The following MMS22L variants were observed in gnomAD, a reference collection of about 807,000 sequenced individuals.
The protein encoded by MMS22L is protein MMS22-like.
In MMS22L, 74 loss-of-function variants were observed where a neutral mutation model predicts 159.1. The ratio of observed to expected loss-of-function variants is 0.47; its 90% CI spans 0.39 to 0.56. MMS22L has a LOEUF of 0.56. Among genes scored for constraint, MMS22L ranks in the 20% least tolerant of loss-of-function variants. The pLI is 0.00. For synonymous variants in MMS22L, 517 were observed against 506.9 expected (o/e 1.02, Z -0.27); for missense variants, 1,351 against 1,422.1 (o/e 0.95, Z 0.80).
intron 22 of MMS22L, among the ~76,000 whole-genome samples, chr6:97,154,092 G>C (rs1339316493): frequency 6.6e-6 from 1 of 152,092 alleles, no homozygotes; most frequent in Non-Finnish European, 1.5e-5. Context: ...GGCATTAAAT[G>C]AGAGTTCCAA....
At chr6:97,277,143 G>A (rs145603161) in intron 4 of MMS22L, among the ~76,000 whole-genome samples, 345 of 152,204 alleles carry the variant, frequency 2.3e-3, no homozygotes, top group African/African-American at 7.9e-3. Flanking sequence ...GTCCAGGCAC[G>A]GTGGCTCACG....
intron 6 of MMS22L, chr6:97,270,841 G>T (rs143517911): frequency 6.6e-6 from 1 of 152,128 alleles, no homozygotes; most frequent in East Asian, 1.9e-4. Flanking sequence ...AACTTTGCAA[G>T]AAACTAAAGT....
At chr6:97,161,887 C>A in intron 22 of MMS22L, 115 bp downstream of exon 22, 1 of 962,844 alleles carries the variant, frequency 1.0e-6, no homozygotes, top group East Asian at 2.6e-5. Context: ...TGACCCATAT[C>A]AAGAGATATA....
chr6:97,226,455 G>A (rs564459748), intron 14 of MMS22L, among the ~76,000 whole-genome samples: 21 of 152,170 alleles, frequency 1.4e-4, no homozygotes, highest in African/African-American at 3.1e-4. Flanking sequence ...TTAGCTGTGC[G>A]TGGTAGTGTG....
rs1810554918 is a variant in MMS22L at position 97,228,999 on chromosome 6, T to C, written c.1934A>G (p.His645Arg). ...AAATCCATCATTAAGCAGTTTTTCA[T>C]GGGAAGGATACAAGCAATAGCTGGT... ...FETSYCLYPS[H>R]EKLLNDGFSM... Residue 645 changes from histidine to arginine, a missense_variant, in exon 14 of 25, where the codon CAT becomes CGT. Physicochemically the swap from His to Arg is conservative, Grantham distance 29. Coordinates refer to ENST00000683635, the MANE Select transcript of MMS22L (RefSeq NM_001350599.2). 5.0e-6 allele frequency: 8 copies of C among 1,614,108 alleles called. No individual in the cohort carries two copies. Among genetic ancestry groups the C allele is most frequent in the Non-Finnish European group, 5.1e-6 (6 of 1,179,994 alleles).
At chr6:97,259,703 A>G (rs1054975989) in intron 9 of MMS22L, 13 of 151,440 alleles carry the variant, frequency 8.6e-5, no homozygotes, top group Non-Finnish European at 1.5e-4. Context: ...AATCTTATAT[A>G]TATATATATA....
chr6:97,149,950 A>T lies in MMS22L; in HGVS notation c.3553T>A (p.Leu1185Met). The T allele has an allele frequency of 6.2e-7, 1 of 1,613,686 alleles. No homozygotes were observed. Among genetic ancestry groups the T allele is most frequent in the Non-Finnish European group, 8.5e-7 (1 of 1,179,754 alleles). ...AAGTGGATGACAACCTGCTGGTCCA[A>T]TGTTGCTACTGTTTCTAAAATGCTG... is the stretch of plus-strand genomic sequence containing the variant. Reference protein sequence around the residue: ...VYSILETVATLDQQVVIHLIS... With the variant: ...VYSILETVATMDQQVVIHLIS... Residue 1185 changes from leucine (L) to methionine (M), a missense_variant, in exon 24 of 25, where the codon TTG becomes ATG. Physicochemically the swap from Leu to Met is conservative, Grantham distance 15. Coordinates refer to ENST00000683635, the MANE Select transcript of MMS22L (RefSeq NM_001350599.2).
intron 22 of MMS22L, 125 bp downstream of exon 22, chr6:97,161,877 T>C (rs555591199): frequency 8.7e-5 from 74 of 854,630 alleles, no homozygotes; most frequent in Non-Finnish European, 1.3e-4. Context: ...TCTTTAACCA[T>C]GACCCATATC....
intron 9 of MMS22L, among the ~76,000 whole-genome samples, chr6:97,258,302 T>C (rs531958678): frequency 8.9e-4 from 135 of 152,360 alleles, no homozygotes; most frequent in Admixed American, 2.0e-3. Flanking sequence ...TTTGAGCACT[T>C]CCTTAGTTTC....
intron 4 of MMS22L, 74 bp downstream of exon 4, chr6:97,278,775 C>A: frequency 8.4e-7 from 1 of 1,185,094 alleles, no homozygotes; most frequent in East Asian, 2.5e-5. Flanking sequence ...GCCAATTATA[C>A]CATCATGGAC....
At chr6:97,177,181 A>T (rs541258541) in intron 18 of MMS22L, among the ~76,000 whole-genome samples, 8 of 152,004 alleles carry the variant, frequency 5.3e-5, no homozygotes, top group Non-Finnish European at 5.9e-5. Flanking sequence ...TATTTTCATT[A>T]AAAAAATTAT....
chr6:97,278,640 T>TA (rs1256311111), intron 4 of MMS22L, among the ~76,000 whole-genome samples: 1 of 152,212 alleles, frequency 6.6e-6, no homozygotes, highest in Non-Finnish European at 1.5e-5. Flanking sequence ...GTTTTACCTT[T>TA]AAAATCTACA....
chr6:97,223,313 T>C (rs937685928), intron 14 of MMS22L, among the ~76,000 whole-genome samples: 1 of 142,120 alleles, frequency 7.0e-6, no homozygotes, highest in South Asian at 2.4e-4. Context: ...CCACCTGAAT[T>C]TGAAAACAGA....
intron 11 of MMS22L, among the ~76,000 whole-genome samples, chr6:97,238,572 C>CAT (rs1052667059): frequency 1.1e-5 from 1 of 91,434 alleles, no homozygotes; most frequent in African/African-American, 3.4e-5. Flanking sequence ...TGTCTCATCT[C>CAT]GTGTGTGTGT....
At chr6:97,194,867 A>G (rs1806312799) in intron 14 of MMS22L, among the ~76,000 whole-genome samples, 1 of 152,082 alleles carries the variant, frequency 6.6e-6, no homozygotes, top group Non-Finnish European at 1.5e-5. Context: ...AAATCAAATC[A>G]CTTACTCTCT....
intron 11 of MMS22L, among the ~76,000 whole-genome samples, chr6:97,235,065 G>A (rs1394837021): frequency 1.3e-5 from 2 of 152,166 alleles, no homozygotes; most frequent in African/African-American, 4.8e-5. Context: ...TGATGTGATT[G>A]TTTCAAAAAC....
rs1429005016 is a variant in MMS22L at position 97,281,419 on chromosome 6, G to A, written c.165-57C>T. The A allele has an allele frequency of 7.2e-6, 10 of 1,383,714 alleles. 1 individual carries two copies. The highest frequency in any genetic ancestry group is 2.7e-5 in the South Asian group (2 of 74,182). 85.7% of individuals were successfully genotyped at this position (1,383,714 alleles called of 1,614,324 possible). On this transcript the variant is annotated intron_variant, in intron 2 of 24. Coordinates refer to ENST00000683635, the MANE Select transcript of MMS22L (RefSeq NM_001350599.2). ...AGTATACTAAGTACCATAATACGAC[G>A]GCTCTTTTCTTTACATTATTTGAAT...
chr6:97,242,481 G>C (rs1027889702), intron 11 of MMS22L, among the ~76,000 whole-genome samples: 2 of 152,120 alleles, frequency 1.3e-5, no homozygotes, highest in African/African-American at 4.8e-5. Flanking sequence ...TAAGTTATGA[G>C]TCCTTATGTG....
intron 4 of MMS22L, 123 bp from the exon 5 acceptor site, chr6:97,273,185 CT>C: frequency 1.3e-6 from 1 of 771,234 alleles, no homozygotes; most frequent in Non-Finnish European, 2.1e-6. Context: ...TAAACATTCT[CT>C]TATGGTTCTT....
Sources: allele counts gnomAD v4.1 joint callset (sites outside exome capture counted in the v4.1 genomes callset), GRCh38; gene constraint gnomAD v4.1.1; transcripts MANE v1.5; gene names NCBI Gene and HGNC (gene_info 2026-07-23, HGNC 2026-07-21).